The following DLC1 variants were observed in gnomAD, a reference collection of about 807,000 sequenced individuals.
DLC1 encodes rho GTPase-activating protein 7.
A neutral mutation model predicts 140.3 loss-of-function variants in DLC1; 54 were observed. The ratio of observed to expected loss-of-function variants is 0.38; its 90% confidence interval spans 0.31 to 0.48. The LOEUF (loss-of-function observed/expected upper bound fraction) is 0.48. Among genes scored for constraint, DLC1 ranks in the 20% least tolerant of loss-of-function variants. The pLI is 0.96. For synonymous variants in DLC1, 986 were observed against 728.1 expected, an observed-to-expected ratio of 1.35 and a Z score of -5.70; for missense variants, 2,536 against 1,907.0, an observed-to-expected ratio of 1.33 and a Z score of -6.14.
intron 5 of DLC1, among the ~76,000 whole-genome samples, chr8:13,275,664 A>C (rs992404433): frequency 6.6e-6 from 1 of 152,196 alleles, no homozygotes; most frequent in Non-Finnish European, 1.5e-5. Context: ...GCCCTAGAGC[A>C]CTTGAATTGC....
intron 5 of DLC1, among the ~76,000 whole-genome samples, chr8:13,141,670 A>G (rs937101413): frequency 1.3e-5 from 2 of 152,226 alleles, no homozygotes; most frequent in African/African-American, 4.8e-5. Context: ...TAACTACAGC[A>G]TGATGGCCAT....
In DLC1 at chr8:13,413,256, AT is replaced by A. The variant is rs58038503; in HGVS notation, c.1024-11638del. Among the ~76,000 whole-genome samples the A allele has an allele frequency of 1.3e-3, 109 of 82,024 alleles. 1 individual carries two copies. The highest frequency in any genetic ancestry group is 4.4e-3 in the African/African-American group (87 of 19,878). 53.8% of individuals were successfully genotyped at this position (82,024 alleles called of 152,430 possible). On this transcript the variant is annotated intron_variant, in intron 2 of 17. Coordinates refer to ENST00000276297, the MANE Select transcript of DLC1 (RefSeq NM_182643.3). Reference sequence around the variant, plus strand: ...TAAAACATTATGAGATTTTTTTGCGATTTTTTTTTTTTTTTTTTTTTAGCTC... The same window carrying A: ...TAAAACATTATGAGATTTTTTTGCGATTTTTTTTTTTTTTTTTTTTAGCTC...
chr8:13,576,800 A>T (rs1354272032), intron 1 of DLC1, among the ~76,000 whole-genome samples: 1 of 152,188 alleles, frequency 6.6e-6, no homozygotes, highest in Non-Finnish European at 1.5e-5. Flanking sequence ...CCTAGGCTGC[A>T]AGGACTGTGT....
intron 5 of DLC1, among the ~76,000 whole-genome samples, chr8:13,247,879 C>T (rs951254078): frequency 1.3e-5 from 2 of 152,184 alleles, no homozygotes; most frequent in Non-Finnish European, 2.9e-5. Context: ...CTATCCATAA[C>T]CGCTCAAAGT....
At position 13,342,850 on chromosome 8, in the gene DLC1, C is replaced by CTCTCTG. The variant is rs1554500767; in HGVS notation, c.1315-37549_1315-37548insCAGAGA. The CTCTCTG allele has an allele frequency of 3.9e-5, 6 of 151,984 alleles. No homozygotes were observed. The East Asian group carries it at 5.8e-4, about 15-fold the overall frequency. The allele number at this position is 151,984 out of a possible 1,614,324, so 9.4% of individuals were successfully genotyped here. On this transcript the variant is annotated intron_variant, in intron 4 of 17. Coordinates refer to ENST00000276297, the MANE Select transcript of DLC1 (RefSeq NM_182643.3). ...ATCAGTTGTGCTTCTCTCTCTCTCTCTCTCTCTCTTTGCGTCCAACATATC... is the reference window on the plus strand; with the variant it reads ...ATCAGTTGTGCTTCTCTCTCTCTCTCTCTCTGTCTCTCTCTTTGCGTCCAACATATC...
rs182039820 is a variant in DLC1, at chr8:13,407,069, A to G, written c.1024-5450T>C. On this transcript the variant is annotated intron_variant, in intron 2 of 17. Transcript: ENST00000276297. ...ATTTCCACTTGTGTCTCTTTCAGACATAGGTCAATAGATACGAGGCAAATT... is the reference window on the plus strand; with the variant it reads ...ATTTCCACTTGTGTCTCTTTCAGACGTAGGTCAATAGATACGAGGCAAATT... Among the ~76,000 whole-genome samples, 188 of 152,322 alleles carry G rather than the reference A, an allele frequency of 1.2e-3. 1 individual carries two copies. Among genetic ancestry groups the G allele is most frequent in the African/African-American group, 3.9e-3 (164 of 41,576 alleles).
intron 4 of DLC1, among the ~76,000 whole-genome samples, chr8:13,377,885 A>T (rs1045395836): frequency 6.6e-6 from 1 of 151,832 alleles, no homozygotes; most frequent in African/African-American, 2.4e-5. Flanking sequence ...TGACCAGAAG[A>T]TGGCAGCATT....
At chr8:13,571,942 A>T (rs1804667635) in intron 1 of DLC1, among the ~76,000 whole-genome samples, 1 of 152,084 alleles carries the variant, frequency 6.6e-6, no homozygotes, top group African/African-American at 2.4e-5. Flanking sequence ...TTGACTTATA[A>T]TTTCCAAATC....
intron 5 of DLC1, among the ~76,000 whole-genome samples, chr8:13,180,671 A>C (rs1825982461): frequency 6.6e-6 from 1 of 152,096 alleles, no homozygotes; most frequent in South Asian, 2.1e-4. Context: ...CACCCACTTC[A>C]ACTTCTTTAT....
intron 1 of DLC1, among the ~76,000 whole-genome samples, chr8:13,595,599 GA>G (rs1805656993): frequency 6.6e-6 from 1 of 151,950 alleles, no homozygotes; most frequent in Admixed American, 6.6e-5. Flanking sequence ...AACATATGCT[GA>G]ATATGTTGAA....
intron 2 of DLC1, among the ~76,000 whole-genome samples, chr8:13,467,668 C>G (rs1369822733): frequency 6.6e-6 from 1 of 152,062 alleles, no homozygotes; most frequent in Non-Finnish European, 1.5e-5. Context: ...GAGGTTGAGG[C>G]TGCAATGAGG....
rs998644807 is a variant in DLC1, at chr8:13,085,415, A to C, written c.*396T>G. 3 of 158,626 alleles carry C rather than the reference A, an allele frequency of 1.9e-5. No individual in the cohort carries two copies. Among genetic ancestry groups the C allele is most frequent in the African/African-American group, 7.2e-5 (3 of 41,558 alleles). The allele number at this position is 158,626 out of a possible 1,614,324, so 9.8% of individuals were successfully genotyped here. A position where few individuals can be genotyped will look rare whatever the true frequency, so the allele number is the denominator to read the frequency against. On this transcript the variant is annotated 3_prime_UTR_variant, in exon 18 of 18. Coordinates refer to ENST00000276297, the MANE Select transcript of DLC1 (RefSeq NM_182643.3). Reference sequence around the variant, plus strand: ...TGAGAAAACACATCCAAGAGTACCAACTATTCCAGTGGATACACCAGTCCC... The same window carrying C: ...TGAGAAAACACATCCAAGAGTACCACCTATTCCAGTGGATACACCAGTCCC...
At chr8:13,555,232 C>T (rs1804000350) in intron 1 of DLC1, among the ~76,000 whole-genome samples, 2 of 152,204 alleles carry the variant, frequency 1.3e-5, no homozygotes, top group Non-Finnish European at 2.9e-5. Flanking sequence ...TTCTACATAT[C>T]ACATACCATC....
chr8:13,567,419 C>G (rs200500548), intron 1 of DLC1: 348 of 1,551,580 alleles, frequency 2.2e-4, no homozygotes, highest in Non-Finnish European at 2.8e-4. Context: ...AAGAAGAAGA[C>G]GAGCAGCAGA....
chr8:13,582,952 A>C (rs1431236770), intron 1 of DLC1, among the ~76,000 whole-genome samples: 1 of 146,768 alleles, frequency 6.8e-6, no homozygotes, highest in Non-Finnish European at 1.5e-5. Context: ...AAAACGGTAC[A>C]TACCTTAATT....
chr8:13,214,919 A>T, intron 5 of DLC1: 1 of 639,146 alleles, frequency 1.6e-6, no homozygotes, highest in Non-Finnish European at 2.8e-6. Context: ...GATATTGTCA[A>T]ACTCAGCACC....
At chr8:13,110,558 A>G (rs1211946237) in intron 7 of DLC1, among the ~76,000 whole-genome samples, 184 bp downstream of exon 7, 1 of 152,196 alleles carries the variant, frequency 6.6e-6, no homozygotes, top group Non-Finnish European at 1.5e-5. Flanking sequence ...TGCTATTTTA[A>G]TGGCAATACT....
At chr8:13,148,574 GTA>G (rs1823594642) in intron 5 of DLC1, among the ~76,000 whole-genome samples, 1 of 152,160 alleles carries the variant, frequency 6.6e-6, no homozygotes, top group African/African-American at 2.4e-5. Flanking sequence ...TAAATCCTGT[GTA>G]TGTGTGTGTG....
At chr8:13,412,711 A>C (rs1464582290) in intron 2 of DLC1, among the ~76,000 whole-genome samples, 1 of 152,008 alleles carries the variant, frequency 6.6e-6, no homozygotes, top group Non-Finnish European at 1.5e-5. Flanking sequence ...AGGTGGGCGA[A>C]TCACGAGGTC....
Sources: gnomAD v4.1 joint callset for allele counts (sites outside exome capture counted in the v4.1 genomes callset) on GRCh38, gnomAD v4.1.1 for gene constraint, MANE v1.5 for transcripts, NCBI Gene and HGNC (gene_info 2026-07-23, HGNC 2026-07-21) for gene names.